PBX1: variants seen among roughly 807,000 people sequenced by gnomAD.
PBX1 encodes the protein pre-B-cell leukemia transcription factor 1.
PBX1 carries 6 observed loss-of-function variants against 53.4 expected under a neutral mutation model. The ratio of observed to expected loss-of-function variants is 0.11; its 90% confidence interval spans 0.06 to 0.22. PBX1 has a LOEUF of 0.22. Among genes scored for constraint, PBX1 ranks in the 10% least tolerant of loss-of-function variants. The pLI is 1.00. For synonymous variants in PBX1, 204 were observed against 212.3 expected, an observed-to-expected ratio of 0.96 and a Z score of 0.34; for missense variants, 251 against 551.4, an observed-to-expected ratio of 0.46 and a Z score of 5.46.
At chr1:164,786,248 C>G (rs985116012) in intron 2 of PBX1, among the ~76,000 whole-genome samples, 4 of 152,070 alleles carry the variant, frequency 2.6e-5, no homozygotes, top group African/African-American at 4.8e-5. Flanking sequence ...TGTCAGGGGC[C>G]CTGTGAGGTT....
chr1:164,838,692 T>C (rs1107531), intron 8 of PBX1, among the ~76,000 whole-genome samples: 43,019 of 151,996 alleles, frequency 0.28, 6,416 homozygotes, highest in Middle Eastern at 0.36. Flanking sequence ...TCCTGAGAAG[T>C]AGGAGTAAGA....
chr1:164,827,359 G>T (rs1195771395), intron 8 of PBX1, among the ~76,000 whole-genome samples: 1 of 152,174 alleles, frequency 6.6e-6, no homozygotes, highest in Non-Finnish European at 1.5e-5. Flanking sequence ...AACATACCCA[G>T]ATGTGCCCCC....
At chr1:164,652,581 G>C (rs1300648060) in intron 2 of PBX1, among the ~76,000 whole-genome samples, 1 of 152,096 alleles carries the variant, frequency 6.6e-6, no homozygotes, top group Non-Finnish European at 1.5e-5. Flanking sequence ...TTACATTTCA[G>C]ATCCTCCCTT....
intron 2 of PBX1, chr1:164,769,869 C>T (rs934655984): frequency 1.3e-5 from 2 of 152,138 alleles, no homozygotes; most frequent in African/African-American, 2.4e-5. Context: ...CTTTTGACTC[C>T]CTTTTTTTAG....
chr1:164,729,072 C>T (rs184742670), intron 2 of PBX1, among the ~76,000 whole-genome samples: 1 of 152,314 alleles, frequency 6.6e-6, no homozygotes, highest in African/African-American at 2.4e-5. Context: ...TTTTGTAGGA[C>T]ATCTGAATAA....
intron 2 of PBX1, among the ~76,000 whole-genome samples, chr1:164,608,967 C>A (rs1656729990): frequency 6.6e-6 from 1 of 152,158 alleles, no homozygotes; most frequent in Non-Finnish European, 1.5e-5. Context: ...AGACTGCTTT[C>A]TCCTGAAATA....
Position 164,846,634 on chromosome 1 carries a change from T to C in PBX1, c.1251T>C (p.Pro417=). The change falls in exon 9 of 9, where the codon CCT becomes CCC. Residue 417 remains proline, a synonymous_variant. Transcript: ENST00000420696. The stretch of plus-strand genomic sequence containing the variant: ...CTACCCCTTCATCAGTGACCTCCCC[T>C]ACAGAAGGCCCTGGCAGTGTTCACT... ...DATTPSSVTS[P]TEGPGSVHSD... 1 of 1,614,090 alleles carries C rather than the reference T, an allele frequency of 6.2e-7. No individual in the cohort carries two copies. The highest frequency in any genetic ancestry group is 8.5e-7 in the Non-Finnish European group (1 of 1,179,960).
intron 2 of PBX1, among the ~76,000 whole-genome samples, chr1:164,592,867 GT>G (rs1420072623): frequency 6.6e-6 from 1 of 152,154 alleles, no homozygotes; most frequent in Non-Finnish European, 1.5e-5. Flanking sequence ...GCACTCACCT[GT>G]GACAGGCTGC....
chr1:164,859,767 C>T (rs774423658), intron 2 of PBX1, among the ~76,000 whole-genome samples: 6 of 152,234 alleles, frequency 3.9e-5, no homozygotes, highest in African/African-American at 1.2e-4. Flanking sequence ...GTACCCCAGG[C>T]GAATCTTCTG....
chr1:164,870,355 TTCTTTCGA>T (rs1558053931), intron 2 of PBX1, among the ~76,000 whole-genome samples: 1 of 94,790 alleles, frequency 1.1e-5, no homozygotes, highest in Non-Finnish European at 2.3e-5. Flanking sequence ...CTTTCTTTCT[TTCTTTCGA>T]GATGAAGTCT....
At chr1:164,862,164 A>G (rs1443004514) in intron 2 of PBX1, among the ~76,000 whole-genome samples, 1 of 152,166 alleles carries the variant, frequency 6.6e-6, no homozygotes, top group African/African-American at 2.4e-5. Flanking sequence ...CAATTGCAAT[A>G]TTTGGGGCAG....
At chr1:164,787,442 C>T (rs997080348) in intron 2 of PBX1, among the ~76,000 whole-genome samples, 9 of 152,238 alleles carry the variant, frequency 5.9e-5, no homozygotes, top group African/African-American at 1.9e-4. Flanking sequence ...TGAACCTGGA[C>T]ACTTGACTGT....
intron 2 of PBX1, among the ~76,000 whole-genome samples, chr1:164,614,997 A>G (rs781689347): frequency 6.6e-6 from 1 of 151,822 alleles, no homozygotes; most frequent in Non-Finnish European, 1.5e-5. Flanking sequence ...CTGGTCTTGA[A>G]CTCCTGACCT....
chr1:164,879,475 G>A (rs1162112556), intron 2 of PBX1, among the ~76,000 whole-genome samples: 8 of 152,176 alleles, frequency 5.3e-5, no homozygotes, highest in Non-Finnish European at 1.5e-5. Flanking sequence ...ACATAGGTGA[G>A]GAGGGCAATT....
chr1:164,845,836 T>A (rs994344220), intron 8 of PBX1, among the ~76,000 whole-genome samples: 21 of 152,288 alleles, frequency 1.4e-4, no homozygotes, highest in African/African-American at 4.6e-4. Flanking sequence ...CATTGTTGTA[T>A]CTGTTATAGT....
chr1:164,639,058 C>G (rs1242673127), intron 2 of PBX1, among the ~76,000 whole-genome samples: 1 of 152,206 alleles, frequency 6.6e-6, no homozygotes, highest in South Asian at 2.1e-4. Context: ...CTTCTACCTA[C>G]CAGCAGTGTG....
At chr1:164,715,178 G>T (rs1327280675) in intron 2 of PBX1, among the ~76,000 whole-genome samples, 1 of 152,202 alleles carries the variant, frequency 6.6e-6, no homozygotes, top group Non-Finnish European at 1.5e-5. Flanking sequence ...ATTGGGCTTT[G>T]CAAGTGATGA....
intron 2 of PBX1, chr1:164,590,385 A>G (rs929479855): frequency 6.6e-6 from 3 of 455,924 alleles, no homozygotes; most frequent in Non-Finnish European, 8.8e-6. Context: ...GGACTTGCTC[A>G]CTTGCACTGC....
At chr1:164,790,136 G>T (rs1171128354) in intron 2 of PBX1, among the ~76,000 whole-genome samples, 1 of 152,180 alleles carries the variant, frequency 6.6e-6, no homozygotes, top group African/African-American at 2.4e-5. Context: ...TTAGGGCCTG[G>T]TATTCAGGGC....
Sources: gnomAD v4.1 joint callset for allele counts (sites outside exome capture counted in the v4.1 genomes callset) on GRCh38, gnomAD v4.1.1 for gene constraint, MANE v1.5 for transcripts, NCBI Gene and HGNC (gene_info 2026-07-23, HGNC 2026-07-21) for gene names.